Variants in HSD17B14 observed in about 807,000 individuals in gnomAD.
HSD17B14 encodes L-fucose dehydrogenase.
Under a neutral mutation model 32.2 loss-of-function variants are expected in HSD17B14, and 32 were observed. The observed-to-expected ratio is 0.99, with a 90% CI of 0.75 to 1.33. The LOEUF (loss-of-function observed/expected upper bound fraction) is 1.33. HSD17B14 is among the 40% of genes most tolerant of loss of function. The pLI is 0.00. For missense variants in HSD17B14, 370 were observed against 366.5 expected, an observed-to-expected ratio of 1.01 and a Z score of -0.08; for synonymous variants, 140 against 155.4, an observed-to-expected ratio of 0.90 and a Z score of 0.74.
chr19:48,813,338 C>T lies in HSD17B14; in HGVS notation c.650G>A (p.Arg217His), dbSNP rs867803629. 7.0e-6 allele frequency: 11 copies of T among 1,581,414 alleles called. No homozygotes were observed. The South Asian group carries it at 9.2e-5, about 13-fold the overall frequency. The change falls in exon 9 of 9, where the codon CGC becomes CAC. Residue 217 changes from arginine to histidine, a missense_variant. Arg to His is a conservative substitution (Grantham distance 29, BLOSUM62 0). Coordinates refer to ENST00000263278, the MANE Select transcript of HSD17B14 (RefSeq NM_016246.3). ...CCCGACCTCAGCGGGCTGGCCCATG[C>T]GGCCCAGTGGCTGGGGAGAAAAGAG... ...REGMLAQPLG[R>H]MGQPAEVGAA...
intron 2 of HSD17B14, among the ~76,000 whole-genome samples, chr19:48,835,563 G>A (rs202048808): frequency 6.8e-6 from 1 of 147,430 alleles, no homozygotes; most frequent in Non-Finnish European, 1.5e-5. Context: ...GCCGGAGCCT[G>A]GACTTCTGGG....
intron 5 of HSD17B14, among the ~76,000 whole-genome samples, chr19:48,829,364 T>C (rs2035299617): frequency 6.6e-6 from 1 of 151,818 alleles, no homozygotes. Context: ...TTTTTTTTTT[T>C]TTTCTGAGAA....
chr19:48,828,095 C>A (rs2035281214), intron 5 of HSD17B14, among the ~76,000 whole-genome samples: 1 of 152,132 alleles, frequency 6.6e-6, no homozygotes, highest in Non-Finnish European at 1.5e-5. Context: ...ACCTCGTGAT[C>A]CGCCGGCCTC....
intron 5 of HSD17B14, among the ~76,000 whole-genome samples, chr19:48,826,280 C>T (rs2122776049): frequency 6.6e-6 from 1 of 151,218 alleles, no homozygotes; most frequent in Non-Finnish European, 1.5e-5. Context: ...ACCGCTATAG[C>T]TCAGGAGTTT....
At chr19:48,828,150 G>T (rs1013811862) in intron 5 of HSD17B14, among the ~76,000 whole-genome samples, 1 of 152,174 alleles carries the variant, frequency 6.6e-6, no homozygotes, top group East Asian at 1.9e-4. Context: ...TGCCGCGCCC[G>T]GCCAAAGGCT....
intron 1 of HSD17B14, 123 bp downstream of exon 1, chr19:48,836,201 T>C: frequency 3.9e-6 from 4 of 1,020,914 alleles, no homozygotes; most frequent in Non-Finnish European, 4.4e-6. Flanking sequence ...AGCCTGCAAA[T>C]TGGCTTTTAT....
intron 5 of HSD17B14, among the ~76,000 whole-genome samples, chr19:48,823,404 T>G (rs1360637414): frequency 6.6e-6 from 1 of 151,954 alleles, no homozygotes; most frequent in African/African-American, 2.4e-5. Context: ...AGCAAGACAC[T>G]ATCTCAAAAT....
At chr19:48,827,218 T>C (rs1259053336) in intron 5 of HSD17B14, among the ~76,000 whole-genome samples, 1 of 151,826 alleles carries the variant, frequency 6.6e-6, no homozygotes, top group East Asian at 1.9e-4. Context: ...AATTTTTGTA[T>C]TTTTAGTAGA....
rs1372104420 is a variant in HSD17B14, at chr19:48,816,816, TTTCTTTC to T, written c.370-1682_370-1676del. On this transcript the variant is annotated intron_variant, in intron 5 of 8. Coordinates refer to ENST00000263278, the MANE Select transcript of HSD17B14 (RefSeq NM_016246.3). ...CTTTCTTTCTTTCTTTCTTTCTTTC[TTTCTTTC>T]TTTTCTTTCTCTCTCTCTCTCTCTT... Among the ~76,000 whole-genome samples the T allele has an allele frequency of 4.6e-4, 40 of 87,098 alleles. 1 individual carries two copies. The highest frequency in any genetic ancestry group is 1.4e-3 in the African/African-American group (29 of 20,714). 57.1% of individuals were successfully genotyped at this position (87,098 alleles called of 152,430 possible).
At chr19:48,832,870 C>T (rs756982120) in intron 3 of HSD17B14, 138 bp from the exon 4 acceptor site, 29 of 704,240 alleles carry the variant, frequency 4.1e-5, no homozygotes, top group African/African-American at 7.2e-5. Flanking sequence ...TCTCCTACCT[C>T]AGCCTCCCAA....
At chr19:48,818,370 T>C (rs893305369) in intron 5 of HSD17B14, among the ~76,000 whole-genome samples, 1 of 150,776 alleles carries the variant, frequency 6.6e-6, no homozygotes, top group Admixed American at 6.6e-5. Flanking sequence ...ACGTGAATGA[T>C]GTGGGCATTG....
intron 4 of HSD17B14, 112 bp downstream of exon 4, chr19:48,832,554 G>T: frequency 1.1e-6 from 1 of 930,846 alleles, no homozygotes; most frequent in Middle Eastern, 2.4e-4. Context: ...TGGCTAGAAA[G>T]AGGTATGAGG....
intron 5 of HSD17B14, among the ~76,000 whole-genome samples, chr19:48,817,891 C>G (rs1395915584): frequency 6.6e-6 from 1 of 152,174 alleles, no homozygotes; most frequent in African/African-American, 2.4e-5. Context: ...AGCGAGGAGA[C>G]TAAGGAATGG....
intron 5 of HSD17B14, among the ~76,000 whole-genome samples, chr19:48,817,930 C>T (rs1159664055): frequency 6.6e-6 from 1 of 152,194 alleles, no homozygotes; most frequent in Non-Finnish European, 1.5e-5. Flanking sequence ...CAGGGCATCA[C>T]GTGACACCTG....
At position 48,815,119 on chromosome 19, in the gene HSD17B14, T is replaced by C. The variant is rs2035029778; in HGVS notation, c.392A>G (p.Lys131Arg). 1.2e-6 allele frequency: 2 copies of C among 1,613,944 alleles called. No homozygotes were observed. The highest frequency in any genetic ancestry group is 1.7e-6 in the Non-Finnish European group (2 of 1,179,918). Reference sequence around the variant, plus strand: ...GATGTTGATGACATTCCCTTGACTCTTCCGCAGGTAGGGGAGGGCGAGCTA... The same window carrying C: ...GATGTTGATGACATTCCCTTGACTCCTCCGCAGGTAGGGGAGGGCGAGCTA... ...LTKLALPYLR[K>R]SQGNVINISS... Residue 131 changes from lysine to arginine, a missense_variant, in exon 6 of 9, where the codon AAG becomes AGG. Coordinates refer to ENST00000263278, the MANE Select transcript of HSD17B14 (RefSeq NM_016246.3).
intron 5 of HSD17B14, among the ~76,000 whole-genome samples, chr19:48,824,789 GAAA>G: frequency 6.6e-6 from 1 of 150,886 alleles, no homozygotes; most frequent in African/African-American, 2.4e-5. Flanking sequence ...AAGAAAGAAA[GAAA>G]GAAAGAAAAG....
In HSD17B14 at chr19:48,836,436, TCTCTA is replaced by T; in HGVS notation, c.-30_-26del. 1 of 1,610,366 alleles carries T rather than the reference TCTCTA, an allele frequency of 6.2e-7. No individual in the cohort carries two copies. The highest frequency in any genetic ancestry group is 8.5e-7 in the Non-Finnish European group (1 of 1,178,092). ...TCCCGTGTACGTCGGTCTCTCTCTC[TCTCTA>T]CTCTGGGCCTCTTTCACCTCCAAAG... On this transcript the variant is annotated 5_prime_UTR_variant, in exon 1 of 9. Transcript: ENST00000263278.
At chr19:48,826,330 C>CA (rs1263419647) in intron 5 of HSD17B14, among the ~76,000 whole-genome samples, 21 of 149,706 alleles carry the variant, frequency 1.4e-4, no homozygotes, top group African/African-American at 4.4e-4. Flanking sequence ...CCCAACTCTA[C>CA]AAAAAATACA....
intron 5 of HSD17B14, among the ~76,000 whole-genome samples, chr19:48,829,979 T>A (rs1218896671): frequency 2.0e-5 from 3 of 151,802 alleles, no homozygotes; most frequent in East Asian, 1.9e-4. Context: ...ATGAATTATT[T>A]TTTTTTTGAG....
Sources: allele counts gnomAD v4.1 joint callset (sites outside exome capture counted in the v4.1 genomes callset), GRCh38; gene constraint gnomAD v4.1.1; transcripts MANE v1.5; gene names NCBI Gene and HGNC (gene_info 2026-07-23, HGNC 2026-07-21).